PHC2: variants seen among roughly 807,000 people sequenced by gnomAD.
PHC2 encodes polyhomeotic homolog 2.
A neutral mutation model predicts 87.4 loss-of-function variants in PHC2; 29 were observed. The observed-to-expected ratio is 0.33, with a 90% confidence interval of 0.25 to 0.45. The LOEUF is 0.45. Ranked by LOEUF, PHC2 falls within the 20% of genes least tolerant of loss-of-function variation. PHC2 has a pLI of 1.00. For missense variants in PHC2, 857 were observed against 1,136.7 expected (o/e 0.75, Z 3.54); for synonymous variants, 438 against 461.7 (o/e 0.95, Z 0.66).
chr1:33,362,034 C>T (rs1199124038), intron 7 of PHC2, among the ~76,000 whole-genome samples: 1 of 152,226 alleles, frequency 6.6e-6, no homozygotes, highest in African/African-American at 2.4e-5. Context: ...AACTCCGAAG[C>T]CCACTGCTTT....
chr1:33,365,091 C>G (rs1647370419), intron 7 of PHC2, among the ~76,000 whole-genome samples: 1 of 152,196 alleles, frequency 6.6e-6, no homozygotes, highest in Admixed American at 6.5e-5. Flanking sequence ...GCTATGGCCC[C>G]CAGTCCTGCC....
intron 9 of PHC2, among the ~76,000 whole-genome samples, chr1:33,344,867 C>T (rs547537463): frequency 6.6e-5 from 10 of 152,196 alleles, no homozygotes; most frequent in African/African-American, 2.4e-4. Context: ...CCTCGGCCCC[C>T]CAGGCATGAG....
chr1:33,415,895 G>C (rs1258305286), intron 1 of PHC2, among the ~76,000 whole-genome samples: 1 of 152,154 alleles, frequency 6.6e-6, no homozygotes, highest in African/African-American at 2.4e-5. Context: ...ATTAACAACA[G>C]ATTGTAAACT....
At chr1:33,375,632 G>A (rs1168136326) in intron 1 of PHC2, 39 bp from the exon 2 acceptor site, 3 of 1,253,372 alleles carry the variant, frequency 2.4e-6, no homozygotes, top group Non-Finnish European at 3.2e-6. Flanking sequence ...TTTGACAGAC[G>A]CTTACTAGAG....
In PHC2 at chr1:33,340,337, C is replaced by T. The variant is rs182718601; in HGVS notation, c.1559-6045G>A. The stretch of plus-strand genomic sequence containing the variant: ...CTCCAAGCCCCCAGCACTGAAGTCA[C>T]GCTCACTGTGCTGCAGTTCAGCAGG... On this transcript the variant is annotated intron_variant, in intron 9 of 14. Coordinates refer to ENST00000683057, the MANE Select transcript of PHC2 (RefSeq NM_001385109.1). 2.6e-5 allele frequency among the ~76,000 whole-genome samples: 4 copies of T among 152,352 alleles called. No individual in the cohort carries two copies. In the East Asian group the frequency reaches 5.8e-4, roughly 22 times the overall value.
intron 1 of PHC2, among the ~76,000 whole-genome samples, chr1:33,430,673 C>T (rs1282445430): frequency 2.0e-5 from 3 of 151,926 alleles, no homozygotes; most frequent in Non-Finnish European, 4.4e-5. Context: ...CCCAGGCTCT[C>T]CGCAGCCCTC....
intron 9 of PHC2, chr1:33,345,832 A>G (rs1570465813): frequency 1.0e-6 from 1 of 984,868 alleles, no homozygotes; most frequent in Admixed American, 6.1e-5. Context: ...TTTGCCTCTC[A>G]ATACCTTTAG....
chr1:33,403,123 CTTTTTTTTTT>C (rs34887101), intron 1 of PHC2, among the ~76,000 whole-genome samples: 4 of 74,656 alleles, frequency 5.4e-5, no homozygotes, highest in Non-Finnish European at 9.6e-5. Flanking sequence ...GCCCGGCCCA[CTTTTTTTTTT>C]TTTTTTTTTT....
intron 1 of PHC2, among the ~76,000 whole-genome samples, chr1:33,389,155 G>T (rs1648924269): frequency 3.9e-5 from 6 of 152,078 alleles, no homozygotes; most frequent in Admixed American, 3.9e-4. Context: ...GCCACGGGTT[G>T]TGCATGTGGT....
chr1:33,429,696 C>T (rs1570519894), intron 1 of PHC2, among the ~76,000 whole-genome samples: 2 of 152,252 alleles, frequency 1.3e-5, no homozygotes, highest in African/African-American at 4.8e-5. Context: ...TTCATCTTTG[C>T]ATCCCCAAGA....
intron 2 of PHC2, among the ~76,000 whole-genome samples, chr1:33,374,689 CAAA>C (rs1222322877): frequency 1.8e-3 from 278 of 152,112 alleles, no homozygotes; most frequent in Middle Eastern, 3.4e-3. Context: ...CCAGGAACCT[CAAA>C]AAAACATTGT....
At chr1:33,430,676 C>T (rs1209286404) in intron 1 of PHC2, among the ~76,000 whole-genome samples, 1 of 151,904 alleles carries the variant, frequency 6.6e-6, no homozygotes, top group Non-Finnish European at 1.5e-5. Flanking sequence ...AGGCTCTCCG[C>T]AGCCCTCCTC....
At position 33,349,662 on chromosome 1, in the gene PHC2, C is replaced by T. The variant is rs956224277; in HGVS notation, c.1558+4739G>A. ...GCAGCCCCTCGGCCGGGCGCCGACT[C>T]GCGCGGGGTCCCGGGCCCGGGCGGG... On this transcript the variant is annotated intron_variant, in intron 9 of 14. Coordinates refer to ENST00000683057, the MANE Select transcript of PHC2 (RefSeq NM_001385109.1). The surrounding 1 kb of genome is among the most constrained non-coding windows in gnomAD (Gnocchi z 4.2). 6.1e-5 allele frequency: 60 copies of T among 982,904 alleles called. No individual in the cohort carries two copies. Among genetic ancestry groups the T allele is most frequent in the South Asian group, 4.7e-5 (1 of 21,286 alleles). 60.9% of individuals were successfully genotyped at this position (982,904 alleles called of 1,614,324 possible).
chr1:33,371,159 T>A, intron 3 of PHC2, 65 bp from the exon 4 acceptor site: 2 of 1,326,998 alleles, frequency 1.5e-6, no homozygotes, highest in Non-Finnish European at 2.2e-6. Context: ...TGGGCTCTCA[T>A]CATCCACAGG....
intron 1 of PHC2, among the ~76,000 whole-genome samples, chr1:33,414,913 C>G (rs1355147242): frequency 6.6e-6 from 1 of 152,150 alleles, no homozygotes; most frequent in African/African-American, 2.4e-5. Context: ...GTTAAAGAAA[C>G]AGGGACCAGA....
At position 33,332,537 on chromosome 1, in the gene PHC2, A is replaced by G. The variant is rs753514798; in HGVS notation, c.1762-133T>C. ...CCCTCCTCAAACCTTCCCCCATGTC[A>G]TCATCCAAGTGTGCTGGGCTCAAGG... On this transcript the variant is annotated intron_variant, in intron 10 of 14. Transcript: ENST00000683057. The surrounding 1 kb of genome is among the most constrained non-coding windows in gnomAD (Gnocchi z 4.2). 1.8e-6 allele frequency: 2 copies of G among 1,081,404 alleles called. No individual in the cohort carries two copies. The highest frequency in any genetic ancestry group is 1.6e-5 in the African/African-American group (1 of 64,032). The allele number at this position is 1,081,404 out of a possible 1,614,324, so 67.0% of individuals were successfully genotyped here.
intron 1 of PHC2, among the ~76,000 whole-genome samples, chr1:33,379,706 A>C (rs1648396619): frequency 6.7e-6 from 1 of 150,130 alleles, no homozygotes; most frequent in Admixed American, 6.6e-5. Flanking sequence ...GGCTCTCTGG[A>C]ATACGAGCAC....
chr1:33,362,872 G>T lies in PHC2; in HGVS notation c.976+4244C>A, dbSNP rs191954640. 2.7e-3 allele frequency among the ~76,000 whole-genome samples: 404 copies of T among 152,338 alleles called. 1 individual carries two copies. Among genetic ancestry groups the T allele is most frequent in the Non-Finnish European group, 4.3e-3 (290 of 68,032 alleles). On this transcript the variant is annotated intron_variant, in intron 7 of 14. Transcript: ENST00000683057. ...CAGCATAATGTTTGGCACATAAGAG[G>T]TGCTAAATGAGTATCTGTTGAGCTA...
chr1:33,409,955 G>T (rs1649916337), intron 1 of PHC2, among the ~76,000 whole-genome samples: 1 of 152,176 alleles, frequency 6.6e-6, no homozygotes, highest in Admixed American at 6.5e-5. Flanking sequence ...ACCCAAAGGG[G>T]AAACTATTAC....
Sources: gnomAD v4.1 joint callset for allele counts (sites outside exome capture counted in the v4.1 genomes callset) on GRCh38, gnomAD v4.1.1 for gene constraint, Gnocchi (gnomAD v3.1) non-coding constraint, MANE v1.5 for transcripts, NCBI Gene and HGNC (gene_info 2026-07-23, HGNC 2026-07-21) for gene names.